Variants in KCNQ1 observed in about 807,000 individuals in gnomAD.
The protein encoded by KCNQ1 is potassium voltage-gated channel subfamily KQT member 1.
KCNQ1 carries 49 observed loss-of-function variants against 72.4 expected under a neutral mutation model. The ratio of observed to expected loss-of-function variants is 0.68; its 90% confidence interval spans 0.54 to 0.86. The LOEUF is 0.86. Ranked by LOEUF, KCNQ1 falls within the 40% of genes least tolerant of loss-of-function variation. KCNQ1 has a pLI of 0.00. For missense variants in KCNQ1, 790 were observed against 945.1 expected (o/e 0.84, Z 2.15); for synonymous variants, 450 against 412.6 (o/e 1.09, Z -1.10).
At chr11:2,739,477 G>A (rs1297231995) in intron 11 of KCNQ1, among the ~76,000 whole-genome samples, 1 of 152,226 alleles carries the variant, frequency 6.6e-6, no homozygotes, top group Non-Finnish European at 1.5e-5. Flanking sequence ...GACATAGGTG[G>A]GCAACATTTT....
In KCNQ1 at chr11:2,559,750, T is replaced by A. The variant is rs1848131612; in HGVS notation, c.478-10878T>A. On this transcript the variant is annotated intron_variant, in intron 2 of 15. Transcript: ENST00000155840. The surrounding 1 kb of genome is among the most constrained non-coding windows in gnomAD (Gnocchi z 4.9). ...CGGGGAGACAAGCACACAGAGCAGCTGGCCGATTGCAGCTCTGAAGGTCAG... is the reference window on the plus strand; with the variant it reads ...CGGGGAGACAAGCACACAGAGCAGCAGGCCGATTGCAGCTCTGAAGGTCAG... Among the ~76,000 whole-genome samples, 1 of 152,126 alleles carries A rather than the reference T, an allele frequency of 6.6e-6. No homozygotes were observed. Among genetic ancestry groups the A allele is most frequent in the Admixed American group, 6.5e-5 (1 of 15,272 alleles).
chr11:2,685,413 T>C (rs962613208), intron 11 of KCNQ1: 2 of 398,546 alleles, frequency 5.0e-6, no homozygotes, highest in Non-Finnish European at 8.8e-6. Flanking sequence ...ATGGGTCTCC[T>C]TCACATAGAA....
At position 2,679,391 on chromosome 11, in the gene KCNQ1, T is replaced by C. The variant is rs1451471465; in HGVS notation, c.1514+17310T>C. On this transcript the variant is annotated intron_variant, in intron 11 of 15. Transcript: ENST00000155840. The surrounding 1 kb of genome is among the most constrained non-coding windows in gnomAD (Gnocchi z 4.8). The stretch of plus-strand genomic sequence containing the variant: ...AGTCACTTAGTCTCAGTTTCTTTAT[T>C]TGTAAAATGGGAATCATAAGAGTAC... 2 of 398,542 alleles carry C rather than the reference T, an allele frequency of 5.0e-6. No homozygotes were observed. The highest frequency in any genetic ancestry group is 4.1e-5 in the African/African-American group (2 of 48,648). 24.7% of individuals were successfully genotyped at this position (398,542 alleles called of 1,614,324 possible). A position where few individuals can be genotyped will look rare whatever the true frequency, so the allele number is the denominator to read the frequency against.
intron 1 of KCNQ1, chr11:2,461,575 C>T: frequency 7.4e-7 from 1 of 1,355,346 alleles, no homozygotes; most frequent in Non-Finnish European, 9.8e-7. Context: ...CAGCCCAGAT[C>T]ACGGCTGCTT....
At chr11:2,476,080 A>T (rs1255923225) in intron 1 of KCNQ1, among the ~76,000 whole-genome samples, 1 of 152,264 alleles carries the variant, frequency 6.6e-6, no homozygotes, top group Non-Finnish European at 1.5e-5. Context: ...TGGTAGATCA[A>T]GAAAACAAAA....
Position 2,724,190 on chromosome 11 carries a change from C to G in KCNQ1, c.1515-44654C>G, listed in dbSNP as rs129072. Among the ~76,000 whole-genome samples, 26 of 152,090 alleles carry G rather than the reference C, an allele frequency of 1.7e-4. No individual in the cohort carries two copies. The highest frequency in any genetic ancestry group is 1.5e-5 in the Non-Finnish European group (1 of 68,006). ...GGAAGGAAAGACAGAAAGAAAAACACGCACAGATCCAGGCTCAGATGATAT... is the reference window on the plus strand; with the variant it reads ...GGAAGGAAAGACAGAAAGAAAAACAGGCACAGATCCAGGCTCAGATGATAT... On this transcript the variant is annotated intron_variant, in intron 11 of 15. Coordinates refer to ENST00000155840, the MANE Select transcript of KCNQ1 (RefSeq NM_000218.3). The surrounding 1 kb of genome is among the most constrained non-coding windows in gnomAD (Gnocchi z 6.8).
chr11:2,628,753 G>A, intron 10 of KCNQ1: 1 of 398,316 alleles, frequency 2.5e-6, no homozygotes. Flanking sequence ...TAGGTTTTAT[G>A]GTTTCAGGTC....
At position 2,564,034 on chromosome 11, in the gene KCNQ1, C is replaced by T. The variant is rs12271473; in HGVS notation, c.478-6594C>T. ...TTTGGAGACCTGACCCGCGGGAGCCCAGGTGAGCAACCGCCACGGGCCAGG... is the reference window on the plus strand; with the variant it reads ...TTTGGAGACCTGACCCGCGGGAGCCTAGGTGAGCAACCGCCACGGGCCAGG... On this transcript the variant is annotated intron_variant, in intron 2 of 15. Coordinates refer to ENST00000155840, the MANE Select transcript of KCNQ1 (RefSeq NM_000218.3). This position sits in a 1 kb window ranked among gnomAD's most constrained non-coding sequence, Gnocchi z 4.5. Among the ~76,000 whole-genome samples, 575 of 152,268 alleles carry T rather than the reference C, an allele frequency of 3.8e-3. 1 individual carries two copies. Among genetic ancestry groups the T allele is most frequent in the African/African-American group, 9.6e-3 (399 of 41,530 alleles).
chr11:2,580,096 C>T (rs2133745092), intron 6 of KCNQ1, among the ~76,000 whole-genome samples: 1 of 152,136 alleles, frequency 6.6e-6, no homozygotes, highest in Middle Eastern at 3.4e-3. Context: ...TTTAATATGC[C>T]AGCCCGTGCC....
chr11:2,548,859 G>A (rs1290927703), intron 2 of KCNQ1, among the ~76,000 whole-genome samples: 1 of 152,236 alleles, frequency 6.6e-6, no homozygotes, highest in Non-Finnish European at 1.5e-5. Flanking sequence ...TGTCTGAGGA[G>A]AAGTTCGCCA....
In KCNQ1 at chr11:2,570,652, G is replaced by A. The variant is rs179489; in HGVS notation, c.502G>A (p.Gly168Arg). 17 of 1,612,508 alleles carry A rather than the reference G, an allele frequency of 1.1e-5. No individual in the cohort carries two copies. Among genetic ancestry groups the A allele is most frequent in the African/African-American group, 2.7e-5 (2 of 74,926 alleles). Reference protein sequence around the residue: ...WMEIVLVVFFGTEYVVRLWSA... With the variant: ...WMEIVLVVFFRTEYVVRLWSA... The stretch of plus-strand genomic sequence containing the variant: ...GGAGATCGTGCTGGTGGTGTTCTTC[G>A]GGACGGAGTACGTGGTCCGCCTCTG... Residue 168 changes from glycine (G) to arginine (R), a missense_variant, in exon 3 of 16, where the codon GGG (glycine) becomes AGG (arginine). By Grantham distance (125) the Gly-to-Arg change is moderately radical. Transcript: ENST00000155840.
intron 11 of KCNQ1, chr11:2,680,624 A>G (rs765746896): frequency 4.5e-5 from 18 of 398,474 alleles, no homozygotes; most frequent in Non-Finnish European, 8.0e-5. Context: ...CTGTAGTACA[A>G]TATTCTGACC....
rs1171944180 is a variant in KCNQ1, at chr11:2,562,316, G to A, written c.478-8312G>A. ...CAGCACAGGCTGGCGGCTGGGAGCAGCTGGCCACAGGCAGGCCCTGGGACA... is the reference window on the plus strand; with the variant it reads ...CAGCACAGGCTGGCGGCTGGGAGCAACTGGCCACAGGCAGGCCCTGGGACA... On this transcript the variant is annotated intron_variant, in intron 2 of 15. Coordinates refer to ENST00000155840, the MANE Select transcript of KCNQ1 (RefSeq NM_000218.3). This position sits in a 1 kb window ranked among gnomAD's most constrained non-coding sequence, Gnocchi z 7.5. Among the ~76,000 whole-genome samples the A allele has an allele frequency of 5.3e-5, 8 of 152,276 alleles. No homozygotes were observed. The highest frequency in any genetic ancestry group is 3.9e-4 in the Admixed American group (6 of 15,304).
chr11:2,597,038 T>C (rs1045303447), intron 10 of KCNQ1, among the ~76,000 whole-genome samples: 1 of 152,132 alleles, frequency 6.6e-6, no homozygotes, highest in African/African-American at 2.4e-5. Context: ...AGTTAAAGGA[T>C]ATTAAAACAG....
chr11:2,741,316 G>T (rs886770317), intron 11 of KCNQ1, among the ~76,000 whole-genome samples: 1 of 152,232 alleles, frequency 6.6e-6, no homozygotes, highest in Non-Finnish European at 1.5e-5. Flanking sequence ...ACCCCAGAGA[G>T]GTCTGACTGG....
At chr11:2,717,996 G>A (rs572204066) in intron 11 of KCNQ1, among the ~76,000 whole-genome samples, 123 of 152,364 alleles carry the variant, frequency 8.1e-4, no homozygotes, top group African/African-American at 2.9e-3. Context: ...CGAAAGCTGC[G>A]TCTGTCGCAG....
intron 11 of KCNQ1, among the ~76,000 whole-genome samples, chr11:2,751,718 A>G (rs1179096953): frequency 6.6e-6 from 1 of 152,236 alleles, no homozygotes; most frequent in Non-Finnish European, 1.5e-5. Context: ...GCATCTGCAG[A>G]TGCGCTGTGT....
chr11:2,661,821 A>T lies in KCNQ1; in HGVS notation c.1394-140A>T. 9.2e-7 allele frequency: 1 copy of T among 1,082,712 alleles called. No individual in the cohort carries two copies. The highest frequency in any genetic ancestry group is 1.4e-6 in the Non-Finnish European group (1 of 719,992). The allele number at this position is 1,082,712 out of a possible 1,614,324, so 67.1% of individuals were successfully genotyped here. A position where few individuals can be genotyped will look rare whatever the true frequency, so the allele number is the denominator to read the frequency against. On this transcript the variant is annotated intron_variant, in intron 10 of 15. Transcript: ENST00000155840. The surrounding 1 kb of genome is among the most constrained non-coding windows in gnomAD (Gnocchi z 5.9). ...CACCCACCCACCCCAACACCCAACT[A>T]TAAAACTGATTGTCAGGGCTGGAGC...
rs34219164 is a variant in KCNQ1 at position 2,674,832 on chromosome 11, TAAAAAA to T, written c.1514+12774_1514+12779del. 9.2e-5 allele frequency: 28 copies of T among 303,760 alleles called. No individual in the cohort carries two copies. The highest frequency in any genetic ancestry group is 2.2e-4 in the South Asian group (1 of 4,454). 18.8% of individuals were successfully genotyped at this position (303,760 alleles called of 1,614,324 possible). ...GCTTGTCACCCTAATAGCTGTTTTT[TAAAAAA>T]AAAAAAAAAAAAAAAAAAAAAAGCT... On this transcript the variant is annotated intron_variant, in intron 11 of 15. Transcript: ENST00000155840. This position sits in a 1 kb window ranked among gnomAD's most constrained non-coding sequence, Gnocchi z 5.9.
Sources: allele counts gnomAD v4.1 joint callset (sites outside exome capture counted in the v4.1 genomes callset), GRCh38; gene constraint gnomAD v4.1.1; non-coding constraint Gnocchi (gnomAD v3.1); transcripts MANE v1.5; gene names NCBI Gene and HGNC (gene_info 2026-07-23, HGNC 2026-07-21).